Variants in HHAT observed in about 807,000 individuals in gnomAD.
The protein encoded by HHAT is protein-cysteine N-palmitoyltransferase HHAT.
In HHAT, 47 loss-of-function variants were observed where a neutral mutation model predicts 70.8. That is an observed-to-expected ratio of 0.66 (90% CI 0.53 to 0.85). HHAT has a LOEUF of 0.85. HHAT is among the 40% of genes least tolerant of loss of function. The probability of loss-of-function intolerance (pLI) is 0.00; values close to 1 mark genes in which losing one functional copy is unlikely to be tolerated. For synonymous variants in HHAT, 228 were observed against 247.6 expected, an observed-to-expected ratio of 0.92 and a Z score of 0.74; for missense variants, 609 against 604.8, an observed-to-expected ratio of 1.01 and a Z score of -0.07.
rs191119677 is a variant in HHAT at position 210,632,516 on chromosome 1, A to C, written c.1390+8846A>C. On this transcript the variant is annotated intron_variant, in intron 11 of 11. Coordinates refer to ENST00000261458, the MANE Select transcript of HHAT (RefSeq NM_018194.6). The stretch of plus-strand genomic sequence containing the variant: ...CCATGTCACCTGCTCATTACTGTAC[A>C]CATGGTTGGCAAAGAAAAGGGAAGA... 1.6e-3 allele frequency among the ~76,000 whole-genome samples: 238 copies of C among 152,292 alleles called. 2 individuals carry two copies. Among genetic ancestry groups the C allele is most frequent in the African/African-American group, 5.4e-3 (226 of 41,564 alleles).
rs1324452281 is a variant in HHAT at position 210,386,230 on chromosome 1, C to CTTTCTTTTTTTTTTTTTTTTTTTTTTTTT, written c.160-1235_160-1234insCTTTTTTTTTTTTTTTTTTTTTTTTTTTT. Among the ~76,000 whole-genome samples the CTTTCTTTTTTTTTTTTTTTTTTTTTTTTT allele has an allele frequency of 1.4e-4, 10 of 69,920 alleles. 2 individuals carry two copies. Among genetic ancestry groups the CTTTCTTTTTTTTTTTTTTTTTTTTTTTTT allele is most frequent in the Non-Finnish European group, 2.1e-4 (8 of 38,710 alleles). The allele number at this position is 69,920 out of a possible 152,430, so 45.9% of individuals were successfully genotyped here. A position where few individuals can be genotyped will look rare whatever the true frequency, so the allele number is the denominator to read the frequency against. ...ATTGCAGGAGTCCTTTTCTTTTTTTCTTTTTTTTTTTTTTTTTTTTTTTTT... is the reference window on the plus strand; with the variant it reads ...ATTGCAGGAGTCCTTTTCTTTTTTTCTTTCTTTTTTTTTTTTTTTTTTTTTTTTTTTTTTTTTTTTTTTTTTTTTTTTTT... On this transcript the variant is annotated intron_variant, in intron 3 of 11. Coordinates refer to ENST00000261458, the MANE Select transcript of HHAT (RefSeq NM_018194.6).
intron 11 of HHAT, among the ~76,000 whole-genome samples, chr1:210,672,693 C>A (rs1164805498): frequency 6.6e-6 from 1 of 152,022 alleles, no homozygotes; most frequent in Non-Finnish European, 1.5e-5. Context: ...GTGAAACATG[C>A]AGAAGACATG....
At chr1:210,370,169 T>G (rs1423894295) in intron 3 of HHAT, among the ~76,000 whole-genome samples, 2 of 33,742 alleles carry the variant, frequency 5.9e-5, no homozygotes, top group African/African-American at 1.4e-4. Context: ...ATGACTTTTT[T>G]TTTTTTTTTT....
At chr1:210,638,917 CTTAAAAA>C (rs139067284) in intron 11 of HHAT, among the ~76,000 whole-genome samples, 4,167 of 151,738 alleles carry the variant, frequency 0.027, 187 homozygotes, top group African/African-American at 0.096. Flanking sequence ...AAATAAAATA[CTTAAAAA>C]TTAAAAACAA....
In HHAT at chr1:210,404,515, A is replaced by T. The variant is rs1365991028; in HGVS notation, c.520A>T (p.Thr174Ser). ...NEYYLLQFTL[T>S]VRCLYYTSFS... ...GTACTACCTGCTGCAGTTCACGCTGACCGTTCGCTGCCTGTACTACACCAG... is the reference window on the plus strand; with the variant it reads ...GTACTACCTGCTGCAGTTCACGCTGTCCGTTCGCTGCCTGTACTACACCAG... Residue 174 changes from threonine (T) to serine (S), a missense_variant, in exon 6 of 12, where the codon ACC (threonine) becomes TCC (serine). Transcript: ENST00000261458. 1 of 1,613,336 alleles carries T rather than the reference A, an allele frequency of 6.2e-7. No individual in the cohort carries two copies. Among genetic ancestry groups the T allele is most frequent in the Non-Finnish European group, 8.5e-7 (1 of 1,179,974 alleles).
intron 8 of HHAT, among the ~76,000 whole-genome samples, chr1:210,487,899 C>T (rs1000634128): frequency 1.3e-5 from 2 of 152,142 alleles, no homozygotes; most frequent in African/African-American, 2.4e-5. Context: ...CTTTATTCAC[C>T]ATCCATTTCC....
intron 8 of HHAT, among the ~76,000 whole-genome samples, chr1:210,480,040 G>T (rs1558601246): frequency 6.6e-6 from 1 of 152,130 alleles, no homozygotes; most frequent in African/African-American, 2.4e-5. Context: ...TAATCTTTCT[G>T]TATAAATTAA....
chr1:210,546,401 T>G (rs927723416), intron 9 of HHAT, among the ~76,000 whole-genome samples: 9 of 152,352 alleles, frequency 5.9e-5, no homozygotes, highest in African/African-American at 2.2e-4. Context: ...TGGCATGTGA[T>G]TCCACCAGGC....
intron 6 of HHAT, among the ~76,000 whole-genome samples, chr1:210,405,765 A>G (rs1399293071): frequency 6.6e-6 from 1 of 152,242 alleles, no homozygotes; most frequent in Non-Finnish European, 1.5e-5. Context: ...TTATATCTCT[A>G]GAAATCTGTA....
Position 210,386,230 on chromosome 1 carries a change from C to CTTTCTTTTTTTCTTTCTTTTTTTTTTTTT in HHAT, c.160-1235_160-1234insCTTTTTTTCTTTCTTTTTTTTTTTTTTTT. ...ATTGCAGGAGTCCTTTTCTTTTTTT[C>CTTTCTTTTTTTCTTTCTTTTTTTTTTTTT]TTTTTTTTTTTTTTTTTTTTTTTTT... is the stretch of plus-strand genomic sequence containing the variant. On this transcript the variant is annotated intron_variant, in intron 3 of 11. Transcript: ENST00000261458. Among the ~76,000 whole-genome samples the CTTTCTTTTTTTCTTTCTTTTTTTTTTTTT allele has an allele frequency of 2.9e-5, 2 of 69,926 alleles. 1 individual carries two copies. The highest frequency in any genetic ancestry group is 1.3e-3 in the South Asian group (2 of 1,578). The allele number at this position is 69,926 out of a possible 152,430, so 45.9% of individuals were successfully genotyped here.
chr1:210,338,445 A>C (rs2085707639), intron 1 of HHAT, among the ~76,000 whole-genome samples: 1 of 152,196 alleles, frequency 6.6e-6, no homozygotes, highest in African/African-American at 2.4e-5. Flanking sequence ...ATTATCTTTA[A>C]ACATTTGAAC....
At chr1:210,551,788 T>C (rs1190187899) in intron 9 of HHAT, among the ~76,000 whole-genome samples, 1 of 152,186 alleles carries the variant, frequency 6.6e-6, no homozygotes, top group Admixed American at 6.5e-5. Context: ...GCTTTTGCCT[T>C]TGTAAATAGA....
intron 3 of HHAT, chr1:210,374,177 C>CA (rs1459933781): frequency 1.3e-5 from 2 of 152,132 alleles, no homozygotes; most frequent in African/African-American, 2.4e-5. Context: ...GCAAGGCTTA[C>CA]AAAAAATTAG....
intron 9 of HHAT, among the ~76,000 whole-genome samples, chr1:210,542,497 AT>A (rs67285281): frequency 0.1 from 8,895 of 88,316 alleles, 356 homozygotes; most frequent in Non-Finnish European, 0.15. Flanking sequence ...TAAAAAAAAA[AT>A]ATATATATAT....
intron 7 of HHAT, among the ~76,000 whole-genome samples, chr1:210,437,964 CAT>C (rs2093418531): frequency 6.6e-6 from 1 of 151,822 alleles, no homozygotes; most frequent in Admixed American, 6.6e-5. Flanking sequence ...GGCCATCTCA[CAT>C]ATAAGGTTGC....
intron 9 of HHAT, among the ~76,000 whole-genome samples, chr1:210,534,383 T>G (rs1049481067): frequency 6.6e-6 from 1 of 151,340 alleles, no homozygotes; most frequent in Non-Finnish European, 1.5e-5. Context: ...ATACATATTT[T>G]TTTCCATAGG....
At chr1:210,616,495 C>T (rs976348392) in intron 10 of HHAT, among the ~76,000 whole-genome samples, 32 of 152,150 alleles carry the variant, frequency 2.1e-4, no homozygotes, top group African/African-American at 7.7e-4. Flanking sequence ...TCACTGTAAG[C>T]CATATGTTCT....
Position 210,674,428 on chromosome 1 carries a change from G to A in HHAT, c.*49G>A, listed in dbSNP as rs779219266. On this transcript the variant is annotated 3_prime_UTR_variant, in exon 12 of 12. Transcript: ENST00000261458. Reference sequence around the variant, plus strand: ...TTGTTGCTGGCCTCCAAGGCAAATAGTGCTTCACCCTGACCTCTCACTCCA... The same window carrying A: ...TTGTTGCTGGCCTCCAAGGCAAATAATGCTTCACCCTGACCTCTCACTCCA... 6.9e-6 allele frequency: 10 copies of A among 1,455,884 alleles called. 1 individual carries two copies. The South Asian group carries it at 1.1e-4, about 17-fold the overall frequency. The allele number at this position is 1,455,884 out of a possible 1,614,324, so 90.2% of individuals were successfully genotyped here.
At chr1:210,381,199 A>G (rs1370817696) in intron 3 of HHAT, among the ~76,000 whole-genome samples, 1 of 152,016 alleles carries the variant, frequency 6.6e-6, no homozygotes, top group Non-Finnish European at 1.5e-5. Flanking sequence ...GTGATTGACT[A>G]TATGAAGCAG....
Sources: gnomAD v4.1 joint callset for allele counts (sites outside exome capture counted in the v4.1 genomes callset) on GRCh38, gnomAD v4.1.1 for gene constraint, MANE v1.5 for transcripts, NCBI Gene and HGNC (gene_info 2026-07-23, HGNC 2026-07-21) for gene names.